The following RSRP1 variants were observed in gnomAD, a reference collection of about 807,000 sequenced individuals.
RSRP1 encodes arginine/serine-rich protein 1.
RSRP1 carries 37 observed loss-of-function variants against 33.0 expected under a neutral mutation model. The observed-to-expected ratio is 1.12, with a 90% CI of 0.86 to 1.48. The LOEUF (loss-of-function observed/expected upper bound fraction) is 1.48. RSRP1 is among the 40% of genes most tolerant of loss of function. The pLI is 0.00. For synonymous variants in RSRP1, 167 were observed against 158.7 expected, an observed-to-expected ratio of 1.05 and a Z score of -0.40; for missense variants, 402 against 385.3, an observed-to-expected ratio of 1.04 and a Z score of -0.36.
chr1:25,274,543 G>A lies in RSRP1; in HGVS notation c.-66-27514C>T, dbSNP rs1158457500. Among the ~76,000 whole-genome samples, 3 of 132,974 alleles carry A rather than the reference G, an allele frequency of 2.3e-5. 1 individual carries two copies. Among genetic ancestry groups the A allele is most frequent in the Non-Finnish European group, 5.4e-5 (3 of 56,022 alleles). 87.2% of individuals were successfully genotyped at this position (132,974 alleles called of 152,430 possible). A position where few individuals can be genotyped will look rare whatever the true frequency, so the allele number is the denominator to read the frequency against. On this transcript the variant is annotated intron_variant, in intron 1 of 1. Transcript: ENST00000561867. ...CACAACCCAGGCAGGGGAGACGATG[G>A]TGTCAGGGGAGGGAGGTGACTGCCC...
rs1638909226 is a variant in RSRP1 at position 25,242,421 on chromosome 1, AG to A, written c.*167del. 3 of 524,200 alleles carry A rather than the reference AG, an allele frequency of 5.7e-6. No individual in the cohort carries two copies. Among genetic ancestry groups the A allele is most frequent in the Non-Finnish European group, 1.0e-5 (3 of 290,876 alleles). 32.5% of individuals were successfully genotyped at this position (524,200 alleles called of 1,614,324 possible). A position where few individuals can be genotyped will look rare whatever the true frequency, so the allele number is the denominator to read the frequency against. On this transcript the variant is annotated 3_prime_UTR_variant, in exon 5 of 5. Coordinates refer to ENST00000243189, the MANE Select transcript of RSRP1 (RefSeq NM_020317.5). ...CTGTGCTATCTCTCATATCTGCAAGAGAAACCTAAAATGTTAATATTTGAGT... is the reference window on the plus strand; with the variant it reads ...CTGTGCTATCTCTCATATCTGCAAGAAAACCTAAAATGTTAATATTTGAGT...
Position 25,333,013 on chromosome 1 carries a change from C to G in RSRP1, c.-67+4965G>C, listed in dbSNP as rs578262851. ...TTCTTAGCCCAAAGGCCTTAGAACC[C>G]CAGCGGTGACGGAAAGGCTGGTGTA... On this transcript the variant is annotated intron_variant, in intron 1 of 1. Coordinates refer to the RSRP1 transcript ENST00000561867. 2.7e-4 allele frequency among the ~76,000 whole-genome samples: 36 copies of G among 131,368 alleles called. 8 individuals are homozygous for G. The South Asian group carries it at 7.5e-3, about 27-fold the overall frequency. The allele number at this position is 131,368 out of a possible 152,430, so 86.2% of individuals were successfully genotyped here.
Position 25,246,921 on chromosome 1 carries a change from C to T in RSRP1, c.43G>A (p.Glu15Lys). The T allele has an allele frequency of 1.9e-6, 3 of 1,594,452 alleles. No individual in the cohort carries two copies. The highest frequency in any genetic ancestry group is 1.7e-6 in the Non-Finnish European group (2 of 1,167,130). ...CGCGAGGTCGAGGGCGAATCCTTCT[C>T]CTGCGGCGAGCCCGGCCACATGTCG... ...VNDMWPGSPQ[E>K]KDSPSTSRSG... Residue 15 changes from glutamate (E) to lysine (K), a missense_variant, in exon 2 of 5, where the codon GAG (glutamate) becomes AAG (lysine). Coordinates refer to ENST00000243189, the MANE Select transcript of RSRP1 (RefSeq NM_020317.5).
Position 25,289,817 on chromosome 1 carries a change from A to G in RSRP1, c.-66-42788T>C, listed in dbSNP as rs377172989. ...TCATGGTGTAGCCTGTCTAGATCAT[A>G]AGTACATTTTTTTTTTTTTTGGATC... is the stretch of plus-strand genomic sequence containing the variant. On this transcript the variant is annotated intron_variant, in intron 1 of 1. Coordinates refer to the RSRP1 transcript ENST00000561867. 7.9e-5 allele frequency among the ~76,000 whole-genome samples: 9 copies of G among 113,876 alleles called. 2 individuals carry two copies. Among genetic ancestry groups the G allele is most frequent in the Admixed American group, 4.4e-4 (5 of 11,348 alleles). The allele number at this position is 113,876 out of a possible 152,430, so 74.7% of individuals were successfully genotyped here. A position where few individuals can be genotyped will look rare whatever the true frequency, so the allele number is the denominator to read the frequency against.
intron 1 of RSRP1, among the ~76,000 whole-genome samples, chr1:25,271,204 C>T (rs1640496975): frequency 7.6e-6 from 1 of 132,084 alleles, no homozygotes; most frequent in Non-Finnish European, 1.8e-5. Flanking sequence ...GTGACTGATG[C>T]CAAGTGACTA....
At chr1:25,259,070 A>C (rs1640040496) in intron 1 of RSRP1, among the ~76,000 whole-genome samples, 1 of 152,150 alleles carries the variant, frequency 6.6e-6, no homozygotes, top group Non-Finnish European at 1.5e-5. Context: ...CCAGTAAGCT[A>C]AGGTTAATTT....
chr1:25,314,836 CAA>C (rs1365737090), intron 1 of RSRP1, among the ~76,000 whole-genome samples: 5 of 131,004 alleles, frequency 3.8e-5, no homozygotes, highest in East Asian at 2.0e-4. Flanking sequence ...GTCTTTTGAA[CAA>C]GAGAGGTTCT....
intron 1 of RSRP1, chr1:25,303,248 G>C: frequency 2.9e-6 from 3 of 1,043,990 alleles, no homozygotes; most frequent in South Asian, 1.3e-5. Context: ...TGTTCCCAGC[G>C]TGCTGGTCAC....
At position 25,242,259 on chromosome 1, in the gene RSRP1, A is replaced by G. The variant is rs1557478015; in HGVS notation, c.*330T>C. On this transcript the variant is annotated 3_prime_UTR_variant, in exon 5 of 5. Coordinates refer to ENST00000243189, the MANE Select transcript of RSRP1 (RefSeq NM_020317.5). ...ATATACAATAAAGACTAAGAATGAA[A>G]ACAAGAAATTTATTAAATATACAAA... 1 of 163,424 alleles carries G rather than the reference A, an allele frequency of 6.1e-6. No individual in the cohort carries two copies. The highest frequency in any genetic ancestry group is 1.8e-4 in the South Asian group (1 of 5,656). 10.1% of individuals were successfully genotyped at this position (163,424 alleles called of 1,614,324 possible). A position where few individuals can be genotyped will look rare whatever the true frequency, so the allele number is the denominator to read the frequency against.
intron 1 of RSRP1, among the ~76,000 whole-genome samples, chr1:25,333,929 G>T (rs1283315749): frequency 7.8e-6 from 1 of 128,436 alleles, no homozygotes; most frequent in African/African-American, 2.7e-5. Context: ...CTCCCACAAC[G>T]CATGGGAATT....
rs138052904 is a variant in RSRP1, at chr1:25,290,170, C to G, written c.-66-43141G>C. Among the ~76,000 whole-genome samples, 443 of 128,362 alleles carry G rather than the reference C, an allele frequency of 3.5e-3. 19 individuals carry two copies. The highest frequency in any genetic ancestry group is 9.5e-3 in the African/African-American group (341 of 35,728). 84.2% of individuals were successfully genotyped at this position (128,362 alleles called of 152,430 possible). ...CAGTTTCTTTCCACTGCCACGGAGA[C>G]GGAGAGAAGGGACAGTGGCCCCAGA... is the stretch of plus-strand genomic sequence containing the variant. On this transcript the variant is annotated intron_variant, in intron 1 of 1. Coordinates refer to the RSRP1 transcript ENST00000561867.
upstream of RSRP1, among the ~76,000 whole-genome samples, chr1:25,250,024 A>C (rs1639727169): frequency 6.6e-6 from 1 of 152,236 alleles, no homozygotes; most frequent in Non-Finnish European, 1.5e-5. Context: ...GCTAGCGCTC[A>C]AAATTCTCTC....
At chr1:25,287,991 G>T (rs1642191493) in intron 1 of RSRP1, among the ~76,000 whole-genome samples, 2 of 132,830 alleles carry the variant, frequency 1.5e-5, no homozygotes, top group South Asian at 2.3e-4. Context: ...CCAAAGTACT[G>T]GGATTACAGG....
In RSRP1 at chr1:25,305,669, C is replaced by T. The variant is rs1227528985; in HGVS notation, c.-67+32309G>A. Among the ~76,000 whole-genome samples, 13 of 129,484 alleles carry T rather than the reference C, an allele frequency of 1.0e-4. 2 individuals are homozygous for T. The highest frequency in any genetic ancestry group is 2.9e-4 in the African/African-American group (11 of 37,434). The allele number at this position is 129,484 out of a possible 152,430, so 84.9% of individuals were successfully genotyped here. A position where few individuals can be genotyped will look rare whatever the true frequency, so the allele number is the denominator to read the frequency against. ...AGGCTGGAGTGCAGTGGCGCCATCT[C>T]AGCTTACTGCAAGCTCCGCCTCCCG... On this transcript the variant is annotated intron_variant, in intron 1 of 1. Coordinates refer to the RSRP1 transcript ENST00000561867.
At chr1:25,262,826 G>T (rs1218493979) in intron 1 of RSRP1, among the ~76,000 whole-genome samples, 1 of 152,188 alleles carries the variant, frequency 6.6e-6, no homozygotes, top group Non-Finnish European at 1.5e-5. Flanking sequence ...TTCCGTTTTT[G>T]TTTCAAGCCA....
At chr1:25,308,703 CA>C (rs1299546100) in intron 1 of RSRP1, among the ~76,000 whole-genome samples, 1 of 128,954 alleles carries the variant, frequency 7.8e-6, no homozygotes, top group Non-Finnish European at 1.8e-5. Context: ...CAACTCTCAT[CA>C]GGGTGAGTGA....
At position 25,305,234 on chromosome 1, in the gene RSRP1, T is replaced by TA. The variant is rs1643707741; in HGVS notation, c.-67+32743dup. On this transcript the variant is annotated intron_variant, in intron 1 of 1. Transcript: ENST00000561867. ...AGAAGGCACAGTGTGTATGAAAGCTTATTGTTAAGAAGAGTGTGTGGCCCA... is the reference window on the plus strand; with the variant it reads ...AGAAGGCACAGTGTGTATGAAAGCTTAATTGTTAAGAAGAGTGTGTGGCCCA... 2.3e-5 allele frequency among the ~76,000 whole-genome samples: 3 copies of TA among 130,700 alleles called. 1 individual carries two copies. In the East Asian group the frequency reaches 5.9e-4, roughly 26 times the overall value. The allele number at this position is 130,700 out of a possible 152,430, so 85.7% of individuals were successfully genotyped here. A position where few individuals can be genotyped will look rare whatever the true frequency, so the allele number is the denominator to read the frequency against.
intron 1 of RSRP1, among the ~76,000 whole-genome samples, chr1:25,272,013 T>G (rs1247234499): frequency 7.6e-6 from 1 of 131,774 alleles, no homozygotes; most frequent in Non-Finnish European, 1.8e-5. Context: ...GGGTCCTATC[T>G]GTATCCTCCC....
At position 25,304,577 on chromosome 1, in the gene RSRP1, G is replaced by A. The variant is rs1273331635; in HGVS notation, c.-67+33401C>T. On this transcript the variant is annotated intron_variant, in intron 1 of 1. Transcript: ENST00000561867. The stretch of plus-strand genomic sequence containing the variant: ...CGTGCCATGGCACTCCAGCCTGGGC[G>A]ACAGAACAAGACTCTGTCTTAAAAA... The A allele has an allele frequency of 3.1e-5, 4 of 127,138 alleles. 1 individual carries two copies. The highest frequency in any genetic ancestry group is 8.3e-3 in the Middle Eastern group (2 of 240). 7.9% of individuals were successfully genotyped at this position (127,138 alleles called of 1,614,324 possible).
Sources: gnomAD v4.1 joint callset for allele counts (sites outside exome capture counted in the v4.1 genomes callset) on GRCh38, gnomAD v4.1.1 for gene constraint, MANE v1.5 for transcripts, NCBI Gene and HGNC (gene_info 2026-07-23, HGNC 2026-07-21) for gene names.